The following WDR59 variants were observed in gnomAD, a reference collection of about 807,000 sequenced individuals.
WDR59 encodes WD repeat domain 59.
Under a neutral mutation model 131.2 loss-of-function variants are expected in WDR59, and 100 were observed. The ratio of observed to expected loss-of-function variants is 0.76; its 90% CI spans 0.65 to 0.90. WDR59 has a LOEUF of 0.90. Among genes scored for constraint, WDR59 ranks in the 40% least tolerant of loss-of-function variants. The probability of loss-of-function intolerance (pLI) is 0.00; values close to 1 mark genes in which losing one functional copy is unlikely to be tolerated. For synonymous variants in WDR59, 601 were observed against 466.2 expected (o/e 1.29, Z -3.72); for missense variants, 1,203 against 1,262.2 (o/e 0.95, Z 0.71).
chr16:74,984,700 A>G (rs2034554878), intron 1 of WDR59: 1 of 513,944 alleles, frequency 1.9e-6, no homozygotes, highest in Non-Finnish European at 3.5e-6. Flanking sequence ...CACGATGCGC[A>G]GTCTCTGCCT....
Position 74,923,957 on chromosome 16 carries a change from C to G in WDR59, c.698G>C (p.Cys233Ser). The G allele has an allele frequency of 2.5e-6, 4 of 1,613,636 alleles. No individual in the cohort carries two copies. The highest frequency in any genetic ancestry group is 3.4e-6 in the Non-Finnish European group (4 of 1,179,960). The change falls in exon 9 of 26, where the codon TGC becomes TCC. Residue 233 changes from cysteine to serine, a missense_variant. Physicochemically the swap from Cys to Ser is moderately radical, Grantham distance 112. Transcript: ENST00000262144. ...TCTGGCCTTCCAGACAGGCACCTGGCAAGGAAGAATATTGAGGTATTTCCG... is the reference window on the plus strand; with the variant it reads ...TCTGGCCTTCCAGACAGGCACCTGGGAAGGAAGAATATTGAGGTATTTCCG... ...QPRKYLNILP[C>S]QVPVWKARYT...
Position 74,890,988 on chromosome 16 carries a change from C to T in WDR59, c.2083-1173G>A, listed in dbSNP as rs533118022. On this transcript the variant is annotated intron_variant, in intron 20 of 25. Transcript: ENST00000262144. ...AATTAGCTGGGCATGGTGGCACACGCCTGTAGTCCCAGCTACTTGGGAGGC... is the reference window on the plus strand; with the variant it reads ...AATTAGCTGGGCATGGTGGCACACGTCTGTAGTCCCAGCTACTTGGGAGGC... Among the ~76,000 whole-genome samples the T allele has an allele frequency of 1.1e-3, 171 of 152,134 alleles. 1 individual carries two copies. The highest frequency in any genetic ancestry group is 9.3e-3 in the South Asian group (45 of 4,816).
intron 1 of WDR59, 102 bp from the exon 2 acceptor site, chr16:74,965,924 C>G: frequency 1.6e-6 from 2 of 1,255,586 alleles, no homozygotes; most frequent in Non-Finnish European, 2.3e-6. Context: ...CAAGAAGTCC[C>G]CAGCTCGCAG....
intron 8 of WDR59, among the ~76,000 whole-genome samples, chr16:74,924,405 T>C (rs887489020): frequency 2.6e-5 from 4 of 152,244 alleles, no homozygotes; most frequent in Admixed American, 2.0e-4. Flanking sequence ...GAACTTTTTT[T>C]TCCCATTTAA....
intron 8 of WDR59, among the ~76,000 whole-genome samples, chr16:74,927,683 A>AACAC (rs61511176): frequency 0.027 from 3,175 of 118,202 alleles, 105 homozygotes; most frequent in African/African-American, 0.089. Flanking sequence ...CTCTTTAAAA[A>AACAC]ACACACACAC....
In WDR59 at chr16:74,984,810, C is replaced by G. The variant is rs1019013028; in HGVS notation, c.54+154G>C. On this transcript the variant is annotated intron_variant, in intron 1 of 25. Coordinates refer to ENST00000262144, the MANE Select transcript of WDR59 (RefSeq NM_030581.4). ...GCCCCCGATGGTCGTCTTCCCTCCC[C>G]CGACGGGGCCTAAGAGGTCGGCTAA... is the stretch of plus-strand genomic sequence containing the variant. 19 of 1,079,114 alleles carry G rather than the reference C, an allele frequency of 1.8e-5. No homozygotes were observed. In the East Asian group the frequency reaches 3.7e-4, roughly 21 times the overall value. 66.8% of individuals were successfully genotyped at this position (1,079,114 alleles called of 1,614,324 possible).
intron 6 of WDR59, among the ~76,000 whole-genome samples, chr16:74,945,204 A>C (rs1360220019): frequency 6.6e-6 from 1 of 151,718 alleles, no homozygotes; most frequent in Non-Finnish European, 1.5e-5. Flanking sequence ...TGGCCGGGCG[A>C]AGAGGCTCAC....
intron 13 of WDR59, among the ~76,000 whole-genome samples, chr16:74,913,906 C>T (rs749296058): frequency 6.6e-6 from 1 of 152,126 alleles, no homozygotes; most frequent in African/African-American, 2.4e-5. Flanking sequence ...AGATTATATA[C>T]TTTAAAAAGC....
At chr16:74,928,254 C>A (rs1403665431) in intron 8 of WDR59, among the ~76,000 whole-genome samples, 2 of 149,666 alleles carry the variant, frequency 1.3e-5, no homozygotes, top group Non-Finnish European at 3.0e-5. Flanking sequence ...CACTTTGCAG[C>A]CCAGGCTGAA....
chr16:74,960,440 A>G (rs2033508066), intron 2 of WDR59, among the ~76,000 whole-genome samples: 1 of 151,784 alleles, frequency 6.6e-6, no homozygotes, highest in African/African-American at 2.4e-5. Flanking sequence ...AATTCCAACA[A>G]GAAAGAATGA....
At chr16:74,949,330 CAAAAAAAAAAAAAAAA>C (rs550013099) in intron 5 of WDR59, among the ~76,000 whole-genome samples, 1 of 42,588 alleles carries the variant, frequency 2.3e-5, no homozygotes. Context: ...TACCTTGTCT[CAAAAAAAAAAAAAAAA>C]AAAAAAAAGA....
At chr16:74,901,177 G>C (rs1248689396) in intron 18 of WDR59, among the ~76,000 whole-genome samples, 1 of 152,118 alleles carries the variant, frequency 6.6e-6, no homozygotes, top group African/African-American at 2.4e-5. Context: ...GGGAGGCTGA[G>C]GTGGGAGGAC....
In WDR59 at chr16:74,982,948, G is replaced by A. The variant is rs115904724; in HGVS notation, c.54+2016C>T. Among the ~76,000 whole-genome samples the A allele has an allele frequency of 2.6e-3, 396 of 152,314 alleles. 1 individual carries two copies. Among genetic ancestry groups the A allele is most frequent in the African/African-American group, 8.7e-3 (360 of 41,562 alleles). On this transcript the variant is annotated intron_variant, in intron 1 of 25. Transcript: ENST00000262144. ...CCTCAGTATGAATCACCTGTGCATGGTATAGTGTATACCTGAAGGGAGCTC... is the reference window on the plus strand; with the variant it reads ...CCTCAGTATGAATCACCTGTGCATGATATAGTGTATACCTGAAGGGAGCTC...
chr16:74,972,991 G>A (rs1453017927), intron 1 of WDR59, among the ~76,000 whole-genome samples: 2 of 151,942 alleles, frequency 1.3e-5, no homozygotes, highest in Admixed American at 1.3e-4. Flanking sequence ...CCAGCACTTT[G>A]GGAGGCCGAG....
intron 11 of WDR59, 85 bp downstream of exon 11, chr16:74,917,844 G>A (rs1966467158): frequency 8.7e-6 from 8 of 918,470 alleles, no homozygotes; most frequent in South Asian, 5.8e-5. Flanking sequence ...TGTTTATCCT[G>A]TAACCTCTAA....
chr16:74,942,989 C>A (rs2032347826), intron 6 of WDR59, among the ~76,000 whole-genome samples, 163 bp from the exon 7 acceptor site: 2 of 151,866 alleles, frequency 1.3e-5, no homozygotes, highest in South Asian at 4.2e-4. Flanking sequence ...AAAATGAAGC[C>A]AAAAAATAAA....
At chr16:74,928,631 C>A (rs1230469812) in intron 8 of WDR59, among the ~76,000 whole-genome samples, 1 of 152,074 alleles carries the variant, frequency 6.6e-6, no homozygotes, top group Non-Finnish European at 1.5e-5. Flanking sequence ...AATGGGTGCA[C>A]TGGCTCATGC....
Position 74,922,034 on chromosome 16 carries a change from T to C in WDR59, c.799A>G (p.Asn267Asp), listed in dbSNP as rs2030289195. 6.2e-7 allele frequency: 1 copy of C among 1,614,158 alleles called. No individual in the cohort carries two copies. Among genetic ancestry groups the C allele is most frequent in the Non-Finnish European group, 8.5e-7 (1 of 1,180,030 alleles). Residue 267 changes from asparagine (N) to aspartate (D), a missense_variant, in exon 10 of 26, where the codon AAT becomes GAT. By Grantham distance (23) the Asn-to-Asp change is conservative (BLOSUM62 1). Coordinates refer to ENST00000262144, the MANE Select transcript of WDR59 (RefSeq NM_030581.4). ...ACTGGGGTGTTCAAGTCAAAGACATTCCACAGGAGAAGGCTGTTTTCCCTC... is the reference window on the plus strand; with the variant it reads ...ACTGGGGTGTTCAAGTCAAAGACATCCCACAGGAGAAGGCTGTTTTCCCTC... The part of the protein sequence containing the change: ...LRRENSLLLW[N>D]VFDLNTPVHT...
chr16:74,880,458 A>T (rs149984776), intron 25 of WDR59, among the ~76,000 whole-genome samples: 420 of 152,204 alleles, frequency 2.8e-3, no homozygotes, highest in Non-Finnish European at 4.2e-3. Context: ...AAAAATAAAT[A>T]AATTAATTAA....
Sources: allele counts gnomAD v4.1 joint callset (sites outside exome capture counted in the v4.1 genomes callset), GRCh38; gene constraint gnomAD v4.1.1; transcripts MANE v1.5; gene names NCBI Gene and HGNC (gene_info 2026-07-23, HGNC 2026-07-21).